Variants in NLGN1 observed in about 807,000 individuals in gnomAD.
The protein encoded by NLGN1 is neuroligin-1.
NLGN1 carries 12 observed loss-of-function variants against 65.5 expected under a neutral mutation model. That is an observed-to-expected ratio of 0.18 (90% CI 0.12 to 0.30). The LOEUF (loss-of-function observed/expected upper bound fraction) is 0.30, where lower values mean the gene tolerates loss of function less well. Among genes scored for constraint, NLGN1 ranks in the 10% least tolerant of loss-of-function variants. NLGN1 has a pLI of 1.00. For missense variants in NLGN1, 750 were observed against 1,007.1 expected (o/e 0.74, Z 3.46); for synonymous variants, 350 against 359.5 (o/e 0.97, Z 0.30).
chr3:174,211,928 G>A (rs1441484667), intron 4 of NLGN1, among the ~76,000 whole-genome samples: 1 of 152,186 alleles, frequency 6.6e-6, no homozygotes, highest in Non-Finnish European at 1.5e-5. Flanking sequence ...TCCCGCACTG[G>A]GGCTGCAGGT....
At chr3:174,273,191 TA>T (rs1749808342) in intron 4 of NLGN1, among the ~76,000 whole-genome samples, 1 of 151,674 alleles carries the variant, frequency 6.6e-6, no homozygotes, top group Non-Finnish European at 1.5e-5. Context: ...TGTATGGATG[TA>T]AAGATTCATT....
chr3:173,812,063 G>GA (rs11377725), intron 4 of NLGN1, among the ~76,000 whole-genome samples: 4,605 of 151,982 alleles, frequency 0.03, 182 homozygotes, highest in East Asian at 0.17. Flanking sequence ...ATTTATTTTA[G>GA]AAAAAAAGTT....
intron 4 of NLGN1, among the ~76,000 whole-genome samples, chr3:174,068,321 A>G (rs1400826438): frequency 6.6e-6 from 1 of 152,112 alleles, no homozygotes; most frequent in Non-Finnish European, 1.5e-5. Flanking sequence ...CCAGCCTGCA[A>G]CCGTGAGCCC....
chr3:173,500,809 C>T (rs2196420), intron 2 of NLGN1, among the ~76,000 whole-genome samples: 1 of 151,920 alleles, frequency 6.6e-6, no homozygotes, highest in Non-Finnish European at 1.5e-5. Context: ...AGTCCCCTTG[C>T]TACAAGCTCC....
At chr3:173,939,436 C>T (rs957668060) in intron 4 of NLGN1, among the ~76,000 whole-genome samples, 1 of 152,082 alleles carries the variant, frequency 6.6e-6, no homozygotes, top group Non-Finnish European at 1.5e-5. Flanking sequence ...TGGTTGTTTA[C>T]ACACAACAGG....
intron 2 of NLGN1, among the ~76,000 whole-genome samples, chr3:173,547,458 G>A (rs530067986): frequency 5.9e-5 from 9 of 152,182 alleles, no homozygotes; most frequent in African/African-American, 2.2e-4. Flanking sequence ...TCCCTGAAGG[G>A]TCTCTGCAAC....
chr3:173,839,109 T>TTTA (rs11388202), intron 4 of NLGN1, among the ~76,000 whole-genome samples: 46 of 150,960 alleles, frequency 3.0e-4, no homozygotes, highest in African/African-American at 8.3e-4. Flanking sequence ...TTTTTTTTTT[T>TTTA]ACAGATTAGG....
chr3:173,943,939 A>T (rs929977310), intron 4 of NLGN1, among the ~76,000 whole-genome samples: 3 of 152,206 alleles, frequency 2.0e-5, no homozygotes, highest in Non-Finnish European at 4.4e-5. Flanking sequence ...ATCATTAGTA[A>T]CAAATATGTT....
At chr3:174,174,581 GTT>G (rs1331516611) in intron 4 of NLGN1, among the ~76,000 whole-genome samples, 7 of 152,076 alleles carry the variant, frequency 4.6e-5, no homozygotes, top group African/African-American at 1.4e-4. Flanking sequence ...CATTAGTGAT[GTT>G]GAGCATTTTT....
intron 4 of NLGN1, among the ~76,000 whole-genome samples, chr3:174,214,351 G>C (rs1035062645): frequency 2.6e-5 from 4 of 152,100 alleles, no homozygotes; most frequent in Non-Finnish European, 5.9e-5. Context: ...GAAATGCTTA[G>C]TAAATTACAG....
chr3:173,871,497 T>C (rs1356278982), intron 4 of NLGN1, among the ~76,000 whole-genome samples: 2 of 152,180 alleles, frequency 1.3e-5, no homozygotes, highest in Admixed American at 6.5e-5. Context: ...CTTGGCAAAA[T>C]TCCTGGCACC....
chr3:173,998,744 C>G (rs1007465697), intron 4 of NLGN1, among the ~76,000 whole-genome samples: 1 of 152,168 alleles, frequency 6.6e-6, no homozygotes, highest in Non-Finnish European at 1.5e-5. Context: ...ACTCCCTGTT[C>G]TATGACTGCT....
At chr3:173,937,657 G>C (rs529472066) in intron 4 of NLGN1, among the ~76,000 whole-genome samples, 2 of 152,216 alleles carry the variant, frequency 1.3e-5, no homozygotes, top group Admixed American at 6.5e-5. Flanking sequence ...GATGGTTAGA[G>C]ATAAATTACT....
intron 3 of NLGN1, among the ~76,000 whole-genome samples, chr3:173,805,240 A>G (rs1017260791): frequency 2.0e-5 from 3 of 152,168 alleles, no homozygotes; most frequent in African/African-American, 7.2e-5. Context: ...AATACTTTTT[A>G]TAACCTAAAT....
Position 173,797,693 on chromosome 3 carries a change from C to CAA in NLGN1, c.494-9986_494-9985dup, listed in dbSNP as rs1312419518. ...AAAACAAAAAATAAAACAACAACAA[C>CAA]AACAACAAAAAAAAACAAGAAACAA... is the stretch of plus-strand genomic sequence containing the variant. On this transcript the variant is annotated intron_variant, in intron 3 of 6. Coordinates refer to ENST00000457714, the Ensembl canonical transcript of NLGN1. Among the ~76,000 whole-genome samples, 224 of 56,522 alleles carry CAA rather than the reference C, an allele frequency of 4.0e-3. 2 individuals are homozygous for CAA. Among genetic ancestry groups the CAA allele is most frequent in the African/African-American group, 0.011 (198 of 18,856 alleles). The allele number at this position is 56,522 out of a possible 152,430, so 37.1% of individuals were successfully genotyped here.
chr3:173,837,778 A>G (rs895480642), intron 4 of NLGN1, among the ~76,000 whole-genome samples: 1 of 152,234 alleles, frequency 6.6e-6, no homozygotes, highest in Non-Finnish European at 1.5e-5. Flanking sequence ...GCATGAGAAT[A>G]TAAAAGAATA....
intron 2 of NLGN1, among the ~76,000 whole-genome samples, chr3:173,508,321 G>A (rs950975661): frequency 6.6e-6 from 1 of 152,120 alleles, no homozygotes; most frequent in Non-Finnish European, 1.5e-5. Flanking sequence ...ATTAGGTTAT[G>A]ATGCATGTAA....
intron 4 of NLGN1, among the ~76,000 whole-genome samples, chr3:174,106,085 T>C (rs74766165): frequency 0.017 from 2,579 of 152,296 alleles, 79 homozygotes; most frequent in African/African-American, 0.059. Context: ...AGGCTTCTTT[T>C]ACAGATGTGT....
chr3:173,571,185 G>T (rs1559984024), intron 2 of NLGN1, among the ~76,000 whole-genome samples: 1 of 152,198 alleles, frequency 6.6e-6, no homozygotes, highest in East Asian at 1.9e-4. Context: ...AGACCTCTGT[G>T]TGGCCATAGG....
Sources: allele counts gnomAD v4.1 joint callset (sites outside exome capture counted in the v4.1 genomes callset), GRCh38; gene constraint gnomAD v4.1.1; transcripts MANE v1.5; gene names NCBI Gene and HGNC (gene_info 2026-07-23, HGNC 2026-07-21).